Variants in DRC5 observed in about 807,000 individuals in gnomAD.
The protein encoded by DRC5 is T-complex-associated testis-expressed protein 1.
chr6:44,282,512 G>A, the DRC5 span: 1 of 1,604,574 alleles, frequency 6.2e-7, no homozygotes, highest in South Asian at 1.1e-5. Context: ...TTCGAATTAT[G>A]ATGCGTGCCT....
At chr6:44,286,404 T>G in the DRC5 span, 1 of 1,614,186 alleles carries the variant, frequency 6.2e-7, no homozygotes. Context: ...CAGCGATGCA[T>G]GCAGCAGCGG....
chr6:44,297,143 C>G, the DRC5 span, among the ~76,000 whole-genome samples: 1 of 152,220 alleles, frequency 6.6e-6, no homozygotes, highest in South Asian at 2.1e-4. Flanking sequence ...GTCCCTCCCC[C>G]ATCCTACCTG....
the DRC5 span, chr6:44,286,430 C>T: frequency 1.2e-6 from 2 of 1,614,204 alleles, no homozygotes; most frequent in Non-Finnish European, 1.7e-6. Flanking sequence ...GTAGTTCTCA[C>T]TGTCTATCAG....
the DRC5 span, among the ~76,000 whole-genome samples, chr6:44,289,836 G>A: frequency 6.6e-5 from 10 of 152,226 alleles, no homozygotes; most frequent in Non-Finnish European, 1.3e-4. Context: ...CCCAAATGGG[G>A]CTGCTGGCAC....
chr6:44,292,719 CAGA>C, the DRC5 span, among the ~76,000 whole-genome samples: 71,570 of 151,814 alleles, frequency 0.47, 18,168 homozygotes, highest in Admixed American at 0.58. Flanking sequence ...TGGAGGGAGA[CAGA>C]AGGACATATG....
At chr6:44,289,605 A>G in the DRC5 span, among the ~76,000 whole-genome samples, 2 of 152,106 alleles carry the variant, frequency 1.3e-5, no homozygotes, top group African/African-American at 4.8e-5. Flanking sequence ...TGAGAGCTCA[A>G]ACTCCAGGTC....
the DRC5 span, chr6:44,297,527 C>G: frequency 2.0e-5 from 3 of 152,350 alleles, no homozygotes; most frequent in Non-Finnish European, 4.4e-5. Context: ...GCAACCCAGG[C>G]AATGGCCGCC....
the DRC5 span, among the ~76,000 whole-genome samples, chr6:44,282,951 C>T: frequency 2.0e-4 from 30 of 151,934 alleles, no homozygotes; most frequent in South Asian, 5.4e-3. Flanking sequence ...TACAAGTGCC[C>T]GCCACCACGC....
chr6:44,295,212 G>A, the DRC5 span, among the ~76,000 whole-genome samples: 9 of 152,302 alleles, frequency 5.9e-5, no homozygotes, highest in African/African-American at 1.7e-4. Context: ...ACATTCCAGA[G>A]AGGTCAGGGC....
the DRC5 span, chr6:44,285,870 A>G: frequency 8.4e-7 from 1 of 1,187,352 alleles, no homozygotes; most frequent in Non-Finnish European, 1.2e-6. Flanking sequence ...AGAAGGAAAT[A>G]GGAAGAAGGC....
the DRC5 span, among the ~76,000 whole-genome samples, chr6:44,289,765 C>G: frequency 6.6e-6 from 1 of 152,236 alleles, no homozygotes; most frequent in South Asian, 2.1e-4. Flanking sequence ...TCCGGGGACC[C>G]TCCCCCATTT....
chr6:44,289,140 T>C, the DRC5 span, among the ~76,000 whole-genome samples: 1 of 141,110 alleles, frequency 7.1e-6, no homozygotes, highest in Non-Finnish European at 1.5e-5. Flanking sequence ...AGGGTTCAAG[T>C]GATTCTCCTG....
chr6:44,297,525 G>C, the DRC5 span: 1 of 152,362 alleles, frequency 6.6e-6, no homozygotes, highest in Non-Finnish European at 1.5e-5. Context: ...ACGCAACCCA[G>C]GCAATGGCCG....
the DRC5 span, among the ~76,000 whole-genome samples, chr6:44,281,167 C>T: frequency 2.0e-5 from 3 of 152,076 alleles, no homozygotes; most frequent in African/African-American, 7.2e-5. Flanking sequence ...CAGCTCCAAC[C>T]CCTGCTGGGC....
the DRC5 span, among the ~76,000 whole-genome samples, chr6:44,292,495 T>C: frequency 1.3e-5 from 2 of 152,230 alleles, no homozygotes; most frequent in Non-Finnish European, 2.9e-5. Context: ...TGTGAGCTTC[T>C]TGAGGTGTAG....
At chr6:44,294,529 G>C in the DRC5 span, among the ~76,000 whole-genome samples, 260 of 151,804 alleles carry the variant, frequency 1.7e-3, 1 homozygote, top group African/African-American at 5.9e-3. Context: ...TGGATTACCT[G>C]AGGTCAAGAG....
At chr6:44,284,287 C>T in the DRC5 span, among the ~76,000 whole-genome samples, 1 of 152,098 alleles carries the variant, frequency 6.6e-6, no homozygotes. Flanking sequence ...ACATACCCCT[C>T]CCTTGCTCTG....
chr6:44,288,666 T>C, the DRC5 span, among the ~76,000 whole-genome samples: 1 of 152,202 alleles, frequency 6.6e-6, no homozygotes, highest in Non-Finnish European at 1.5e-5. Flanking sequence ...ACATATGCTA[T>C]TTTAACTTCT....
At chr6:44,286,244 C>T in the DRC5 span, 25 of 1,612,342 alleles carry the variant, frequency 1.6e-5, no homozygotes, top group African/African-American at 2.5e-4. Flanking sequence ...GTGGACCCTG[C>T]GCACGTAATT....
Sources: allele counts gnomAD v4.1 joint callset (sites outside exome capture counted in the v4.1 genomes callset), GRCh38; gene constraint gnomAD v4.1.1; transcripts MANE v1.5; gene names NCBI Gene and HGNC (gene_info 2026-07-23, HGNC 2026-07-21).